Variants in DCC observed in about 807,000 individuals in gnomAD.
DCC encodes the protein netrin receptor DCC.
DCC carries 58 observed loss-of-function variants against 172.5 expected under a neutral mutation model. That is an observed-to-expected ratio of 0.34 (90% CI 0.27 to 0.42). The LOEUF (loss-of-function observed/expected upper bound fraction) is 0.42. DCC is among the 10% of genes least tolerant of loss of function. The pLI, the probability that DCC is intolerant of heterozygous loss-of-function variation, is 1.00. For missense variants in DCC, 1,740 were observed against 1,791.0 expected, an observed-to-expected ratio of 0.97 and a Z score of 0.51; for synonymous variants, 709 against 644.5, an observed-to-expected ratio of 1.10 and a Z score of -1.52.
intron 1 of DCC, among the ~76,000 whole-genome samples, chr18:52,561,655 G>T (rs1005958816): frequency 2.0e-5 from 3 of 152,074 alleles, no homozygotes; most frequent in Non-Finnish European, 2.9e-5. Context: ...CTTGCCTACT[G>T]TAACAACCAA....
At chr18:53,059,240 G>A (rs920307967) in intron 5 of DCC, among the ~76,000 whole-genome samples, 1 of 152,040 alleles carries the variant, frequency 6.6e-6, no homozygotes, top group African/African-American at 2.4e-5. Flanking sequence ...GAAGATTATG[G>A]GAACTATAAT....
intron 1 of DCC, among the ~76,000 whole-genome samples, chr18:52,574,581 T>C (rs1568236187): frequency 1.3e-5 from 2 of 152,196 alleles, no homozygotes; most frequent in African/African-American, 4.8e-5. Context: ...CTGATTTAAG[T>C]GTAAGAAGAA....
chr18:52,832,086 T>C (rs949301345), intron 2 of DCC, among the ~76,000 whole-genome samples: 3 of 152,216 alleles, frequency 2.0e-5, no homozygotes, highest in African/African-American at 4.8e-5. Context: ...TATTTAGCCA[T>C]GCTTGCAGCA....
intron 5 of DCC, among the ~76,000 whole-genome samples, chr18:53,049,721 T>C (rs886723052): frequency 6.6e-6 from 1 of 152,040 alleles, no homozygotes; most frequent in Non-Finnish European, 1.5e-5. Context: ...TTTTTCTAAG[T>C]CTGTGAAAAA....
intron 1 of DCC, among the ~76,000 whole-genome samples, chr18:52,367,697 C>G (rs78513673): frequency 0.016 from 2,447 of 152,238 alleles, 28 homozygotes; most frequent in Non-Finnish European, 0.023. Flanking sequence ...GGCTGTTTCT[C>G]CCAGTTAGCA....
intron 27 of DCC, among the ~76,000 whole-genome samples, chr18:53,511,366 G>A (rs1227413841): frequency 1.3e-5 from 2 of 152,254 alleles, no homozygotes; most frequent in African/African-American, 4.8e-5. Flanking sequence ...ACAGACAGTA[G>A]AGAGGTGGCT....
At chr18:52,471,591 G>A (rs1191802191) in intron 1 of DCC, among the ~76,000 whole-genome samples, 2 of 152,180 alleles carry the variant, frequency 1.3e-5, no homozygotes, top group Admixed American at 6.5e-5. Context: ...GGGTTATGGT[G>A]ATAACTTGAA....
intron 1 of DCC, among the ~76,000 whole-genome samples, chr18:52,507,895 G>A (rs937707785): frequency 1.3e-5 from 2 of 152,126 alleles, no homozygotes; most frequent in African/African-American, 2.4e-5. Flanking sequence ...GAGGTCAGGA[G>A]TTCAAGACCA....
At chr18:53,322,023 C>T in intron 13 of DCC, 24 bp from the exon 14 acceptor site, 2 of 1,324,362 alleles carry the variant, frequency 1.5e-6, no homozygotes, top group Non-Finnish European at 2.2e-6. Flanking sequence ...ACTTTCTTCC[C>T]CCCTGTGGAA....
intron 1 of DCC, among the ~76,000 whole-genome samples, chr18:52,563,897 C>A (rs1451466083): frequency 1.3e-5 from 2 of 152,150 alleles, no homozygotes; most frequent in Non-Finnish European, 2.9e-5. Flanking sequence ...GTGCCAAAAT[C>A]CCTGAGTCTC....
intron 12 of DCC, among the ~76,000 whole-genome samples, chr18:53,274,301 C>T (rs962907625): frequency 6.6e-6 from 1 of 152,202 alleles, no homozygotes; most frequent in Non-Finnish European, 1.5e-5. Flanking sequence ...AGGAGCTACT[C>T]GTAGGGATTG....
chr18:52,721,132 A>G (rs1018540870), intron 1 of DCC, among the ~76,000 whole-genome samples: 2 of 152,198 alleles, frequency 1.3e-5, no homozygotes, highest in Non-Finnish European at 2.9e-5. Flanking sequence ...AGGCCTTAGC[A>G]GAGGGCCTCA....
intron 22 of DCC, among the ~76,000 whole-genome samples, chr18:53,449,012 T>G (rs2045372545): frequency 6.6e-6 from 1 of 152,230 alleles, no homozygotes; most frequent in Non-Finnish European, 1.5e-5. Flanking sequence ...TTTACATGTA[T>G]TTTATCTAAT....
At chr18:53,235,655 T>C (rs1156651297) in intron 12 of DCC, among the ~76,000 whole-genome samples, 1 of 151,312 alleles carries the variant, frequency 6.6e-6, no homozygotes, top group East Asian at 2.0e-4. Flanking sequence ...TCAACTGTTT[T>C]TAAGTGTACA....
intron 25 of DCC, among the ~76,000 whole-genome samples, chr18:53,470,111 G>A (rs1363247343): frequency 6.6e-6 from 1 of 151,680 alleles, no homozygotes; most frequent in African/African-American, 2.4e-5. Flanking sequence ...TCAGTCTTCA[G>A]GTATCCTCTC....
chr18:52,773,469 T>G (rs1190506522), intron 2 of DCC, among the ~76,000 whole-genome samples: 1 of 152,140 alleles, frequency 6.6e-6, no homozygotes, highest in East Asian at 1.9e-4. Context: ...TTTATAGGAA[T>G]TGAAAAATTA....
chr18:53,021,632 T>C (rs1309366224), intron 5 of DCC, among the ~76,000 whole-genome samples: 5 of 152,294 alleles, frequency 3.3e-5, no homozygotes, highest in South Asian at 2.1e-4. Flanking sequence ...TGTACACTTA[T>C]ATATTGGAGT....
At chr18:53,339,349 A>C (rs540268960) in intron 14 of DCC, among the ~76,000 whole-genome samples, 1 of 152,226 alleles carries the variant, frequency 6.6e-6, no homozygotes, top group South Asian at 2.1e-4. Flanking sequence ...CAACATTGAC[A>C]TTTTATTTTC....
intron 1 of DCC, among the ~76,000 whole-genome samples, chr18:52,387,856 A>G (rs1290629531): frequency 1.3e-5 from 2 of 152,014 alleles, no homozygotes; most frequent in African/African-American, 4.8e-5. Context: ...GGATAGGAAA[A>G]TAATACACAT....
Sources: allele counts gnomAD v4.1 joint callset (sites outside exome capture counted in the v4.1 genomes callset), GRCh38; gene constraint gnomAD v4.1.1; transcripts MANE v1.5; gene names NCBI Gene and HGNC (gene_info 2026-07-23, HGNC 2026-07-21).